OPHN1: variants seen among roughly 807,000 people sequenced by gnomAD.
The protein encoded by OPHN1 is oligophrenin-1.
A neutral mutation model predicts 60.7 loss-of-function variants in OPHN1; 11 were observed. The ratio of observed to expected loss-of-function variants is 0.18; its 90% CI spans 0.11 to 0.30. The LOEUF is 0.30. OPHN1 is among the 10% of genes least tolerant of loss of function. OPHN1 has a pLI of 1.00. For synonymous variants in OPHN1, 226 were observed against 222.6 expected (o/e 1.02, Z -0.14); for missense variants, 449 against 611.0 (o/e 0.73, Z 2.80).
At chrX:68,212,073 A>T in intron 8 of OPHN1, 35 bp downstream of exon 8, 1 of 1,018,491 alleles carries the variant, frequency 9.8e-7, no homozygotes, top group Non-Finnish European at 1.4e-6. Flanking sequence ...ATCGGAATGG[A>T]AAGACCGGTG....
chrX:68,245,606 A>C (rs1209533546), intron 5 of OPHN1, among the ~76,000 whole-genome samples: 1 of 111,178 alleles, frequency 9.0e-6, no homozygotes, highest in African/African-American at 3.3e-5. Flanking sequence ...TGTCATGTCA[A>C]TGTGGCTACC....
intron 2 of OPHN1, among the ~76,000 whole-genome samples, chrX:68,300,562 C>T (rs981315765): frequency 2.7e-5 from 3 of 112,382 alleles, no homozygotes; most frequent in African/African-American, 9.7e-5. Context: ...ATCTAAGCCA[C>T]ATGAATGTGA....
At chrX:68,362,891 G>A (rs768926159) in intron 2 of OPHN1, among the ~76,000 whole-genome samples, 45 of 111,148 alleles carry the variant, frequency 4.0e-4, no homozygotes, top group Non-Finnish European at 6.4e-4. Context: ...AGGGGGCTTG[G>A]GAGGTATATG....
At chrX:68,144,528 A>G (rs2077256114) in intron 15 of OPHN1, among the ~76,000 whole-genome samples, 1 of 112,169 alleles carries the variant, frequency 8.9e-6, no homozygotes, top group Admixed American at 9.5e-5. Context: ...CGTTTATGAA[A>G]AAAAGTAAAA....
intron 5 of OPHN1, among the ~76,000 whole-genome samples, chrX:68,239,736 G>A (rs1207908097): frequency 9.0e-6 from 1 of 110,802 alleles, no homozygotes; most frequent in Non-Finnish European, 1.9e-5. Flanking sequence ...ATGCTGTTTT[G>A]TAATGTTTTT....
intron 15 of OPHN1, among the ~76,000 whole-genome samples, chrX:68,139,267 T>A (rs1322839564): frequency 8.9e-6 from 1 of 112,012 alleles, no homozygotes; most frequent in Admixed American, 9.5e-5. Context: ...ATTGAAAAAT[T>A]TTAAATGCAA....
intron 3 of OPHN1, among the ~76,000 whole-genome samples, chrX:68,288,878 C>T (rs2078057743): frequency 8.9e-6 from 1 of 112,230 alleles, no homozygotes; most frequent in Admixed American, 9.5e-5. Flanking sequence ...TCTTACGGAT[C>T]TATTTTTAAC....
chrX:68,234,789 G>T (rs1602260073), intron 5 of OPHN1, among the ~76,000 whole-genome samples: 2 of 112,126 alleles, frequency 1.8e-5, no homozygotes, highest in Admixed American at 1.9e-4. Flanking sequence ...AAACCATTCT[G>T]CCTGCAGAAA....
At chrX:68,100,066 G>C (rs2077051824) in intron 18 of OPHN1, among the ~76,000 whole-genome samples, 1 of 111,448 alleles carries the variant, frequency 9.0e-6, no homozygotes, top group Non-Finnish European at 1.9e-5. Flanking sequence ...TTAGGTATCT[G>C]TTCCCTCATC....
chrX:68,221,596 A>T (rs2077658631), intron 6 of OPHN1, among the ~76,000 whole-genome samples: 1 of 90,525 alleles, frequency 1.1e-5, no homozygotes, highest in African/African-American at 3.8e-5. Flanking sequence ...GACCAATGGA[A>T]CAGAACAGAG....
intron 2 of OPHN1, among the ~76,000 whole-genome samples, chrX:68,405,746 C>G: frequency 8.9e-6 from 1 of 112,073 alleles, no homozygotes; most frequent in Admixed American, 9.5e-5. Context: ...AAAGGGTCCA[C>G]ATTCCCATTT....
chrX:68,232,250 T>G (rs752893252), intron 6 of OPHN1, among the ~76,000 whole-genome samples: 30 of 111,982 alleles, frequency 2.7e-4, no homozygotes, highest in African/African-American at 8.8e-4. Context: ...AATTCTTTAA[T>G]AAATCTTTTT....
rs145063538 is a variant in OPHN1 at position 68,266,942 on chromosome X, T to C, written c.384+7796A>G. Among the ~76,000 whole-genome samples, 360 of 111,747 alleles carry C rather than the reference T, an allele frequency of 3.2e-3. 2 individuals carry two copies. Among genetic ancestry groups the C allele is most frequent in the African/African-American group, 0.011 (342 of 30,733 alleles). ...AAAAGAGACAAAGAAGGCCATTACA[T>C]AATGGTAAAGGGATCAATTTAACAA... is the stretch of plus-strand genomic sequence containing the variant. On this transcript the variant is annotated intron_variant, in intron 5 of 24. Coordinates refer to ENST00000355520, the MANE Select transcript of OPHN1 (RefSeq NM_002547.3).
At chrX:68,087,802 T>C (rs2077001131) in intron 19 of OPHN1, among the ~76,000 whole-genome samples, 1 of 111,964 alleles carries the variant, frequency 8.9e-6, no homozygotes, top group Non-Finnish European at 1.9e-5. Context: ...GGGTTCTGGT[T>C]ATATTAGCAA....
intron 2 of OPHN1, among the ~76,000 whole-genome samples, chrX:68,321,655 C>T (rs1478814296): frequency 1.8e-5 from 2 of 112,090 alleles, no homozygotes; most frequent in African/African-American, 6.5e-5. Flanking sequence ...GGGCATAACA[C>T]GGTGGCTCAT....
At position 68,052,531 on chromosome X, in the gene OPHN1, A is replaced by G; in HGVS notation, c.2375+9T>C. Reference sequence around the variant, plus strand: ...ATTTGGTTTTTCTTTTGTCACCTCCATATCTTACCTTCCTGTTTTCCGGGA... The same window carrying G: ...ATTTGGTTTTTCTTTTGTCACCTCCGTATCTTACCTTCCTGTTTTCCGGGA... On this transcript the variant is annotated intron_variant, in intron 23 of 24. Coordinates refer to ENST00000355520, the MANE Select transcript of OPHN1 (RefSeq NM_002547.3). 2.5e-6 allele frequency: 3 copies of G among 1,203,287 alleles called. No individual in the cohort carries two copies. Among genetic ancestry groups the G allele is most frequent in the East Asian group, 3.0e-5 (1 of 33,688 alleles).
intron 15 of OPHN1, among the ~76,000 whole-genome samples, chrX:68,192,333 T>C (rs5964647): frequency 0.059 from 6,531 of 109,838 alleles, 479 homozygotes; most frequent in African/African-American, 0.21. Context: ...ACCCCATCAC[T>C]ACAAAAAAAT....
At chrX:68,117,885 C>A (rs1017183349) in intron 16 of OPHN1, among the ~76,000 whole-genome samples, 4 of 111,882 alleles carry the variant, frequency 3.6e-5, no homozygotes, top group Admixed American at 9.5e-5. Context: ...AAAGGGCCAC[C>A]CTGCCTATTA....
intron 3 of OPHN1, among the ~76,000 whole-genome samples, chrX:68,288,055 G>A (rs1211648039): frequency 8.9e-6 from 1 of 111,887 alleles, no homozygotes; most frequent in African/African-American, 3.2e-5. Flanking sequence ...AAAGCCCTAT[G>A]AGTACATTTA....
Sources: gnomAD v4.1 joint callset for allele counts (sites outside exome capture counted in the v4.1 genomes callset) on GRCh38, gnomAD v4.1.1 for gene constraint, MANE v1.5 for transcripts, NCBI Gene and HGNC (gene_info 2026-07-23, HGNC 2026-07-21) for gene names.